The following RIMS2 variants were observed in gnomAD, a reference collection of about 807,000 sequenced individuals.
The protein encoded by RIMS2 is regulating synaptic membrane exocytosis 2, also known as regulating synaptic membrane exocytosis protein 2.
RIMS2 carries 59 observed loss-of-function variants against 174.4 expected under a neutral mutation model. That is an observed-to-expected ratio of 0.34 (90% confidence interval 0.27 to 0.42). RIMS2 has a LOEUF of 0.42. Among genes scored for constraint, RIMS2 ranks in the 10% least tolerant of loss-of-function variants. The pLI is 1.00. For missense variants in RIMS2, 1,620 were observed against 1,666.3 expected, an observed-to-expected ratio of 0.97 and a Z score of 0.48; for synonymous variants, 606 against 572.5, an observed-to-expected ratio of 1.06 and a Z score of -0.84.
Position 104,044,233 on chromosome 8 carries a change from A to G in RIMS2, c.3334+29618A>G, listed in dbSNP as rs573943672. Among the ~76,000 whole-genome samples the G allele has an allele frequency of 1.4e-3, 218 of 151,768 alleles. 1 individual carries two copies. The highest frequency in any genetic ancestry group is 4.7e-3 in the African/African-American group (196 of 41,514). ...GAAAAGATTAGGAGGTCTCTAAGCA[A>G]TGCAGAAAGAATTAGAGAAAGAAGC... On this transcript the variant is annotated intron_variant, in intron 19 of 23. Coordinates refer to ENST00000504942, the Ensembl canonical transcript of RIMS2.
chr8:103,809,736 G>A (rs981611998), intron 3 of RIMS2, among the ~76,000 whole-genome samples: 2 of 152,144 alleles, frequency 1.3e-5, no homozygotes, highest in Admixed American at 6.6e-5. Flanking sequence ...CCATCCTCAA[G>A]TGGCTTTATA....
intron 19 of RIMS2, among the ~76,000 whole-genome samples, chr8:104,067,013 A>G (rs187242876): frequency 6.6e-6 from 1 of 152,322 alleles, no homozygotes; most frequent in Admixed American, 6.5e-5. Flanking sequence ...AAAAAATTAA[A>G]ACATTAAAAA....
At chr8:103,953,481 T>A (rs200210486) in intron 14 of RIMS2, among the ~76,000 whole-genome samples, 5 of 152,048 alleles carry the variant, frequency 3.3e-5, no homozygotes, top group Admixed American at 2.6e-4. Flanking sequence ...TCAAGCCAGA[T>A]TTTCATATCC....
At chr8:103,929,879 C>T (rs1324151393) in intron 11 of RIMS2, among the ~76,000 whole-genome samples, 2 of 151,788 alleles carry the variant, frequency 1.3e-5, no homozygotes, top group African/African-American at 2.4e-5. Context: ...AGTTGTTAAT[C>T]TCTTAATCTA....
intron 2 of RIMS2, among the ~76,000 whole-genome samples, chr8:103,730,400 T>C (rs1315493367): frequency 1.3e-5 from 2 of 152,236 alleles, no homozygotes; most frequent in Non-Finnish European, 2.9e-5. Flanking sequence ...TTTATCATTA[T>C]ATAATTACCT....
At chr8:103,691,213 C>T (rs1351463762) in intron 1 of RIMS2, among the ~76,000 whole-genome samples, 7 of 152,054 alleles carry the variant, frequency 4.6e-5, no homozygotes, top group African/African-American at 7.2e-5. Context: ...TGCTTGTGCT[C>T]GAATATTGAT....
intron 2 of RIMS2, among the ~76,000 whole-genome samples, chr8:103,710,430 C>T (rs1176676): frequency 0.81 from 123,476 of 152,080 alleles, 50,627 homozygotes; most frequent in African/African-American, 0.92. Flanking sequence ...CAAAATTTTA[C>T]GAAATATCGG....
intron 19 of RIMS2, among the ~76,000 whole-genome samples, chr8:104,207,472 C>T (rs1291028459): frequency 6.6e-6 from 1 of 152,064 alleles, no homozygotes; most frequent in Non-Finnish European, 1.5e-5. Flanking sequence ...ACATAATATT[C>T]CCTAGGATGA....
intron 16 of RIMS2, among the ~76,000 whole-genome samples, chr8:103,981,084 A>G (rs1427100538): frequency 6.6e-6 from 1 of 152,162 alleles, no homozygotes; most frequent in Non-Finnish European, 1.5e-5. Context: ...GAGTGAACAT[A>G]GGTGATAGTA....
At chr8:103,931,626 C>A (rs2079968241) in intron 12 of RIMS2, among the ~76,000 whole-genome samples, 1 of 151,866 alleles carries the variant, frequency 6.6e-6, no homozygotes, top group African/African-American at 2.4e-5. Flanking sequence ...TGTATTATTT[C>A]TTGTATATAT....
At chr8:103,938,562 A>G (rs1319459898) in intron 13 of RIMS2, among the ~76,000 whole-genome samples, 4 of 152,080 alleles carry the variant, frequency 2.6e-5, no homozygotes, top group Non-Finnish European at 5.9e-5. Context: ...ATATCATTCC[A>G]TTCTGTCCCC....
At chr8:103,761,092 T>A (rs2098107760) in intron 2 of RIMS2, among the ~76,000 whole-genome samples, 1 of 152,154 alleles carries the variant, frequency 6.6e-6, no homozygotes, top group Admixed American at 6.5e-5. Context: ...TTTAGAAAAA[T>A]CTCTGACTTT....
intron 17 of RIMS2, among the ~76,000 whole-genome samples, chr8:104,001,727 T>A (rs2154552246): frequency 1.3e-5 from 2 of 152,146 alleles, no homozygotes; most frequent in Middle Eastern, 6.8e-3. Context: ...ACTGACCTTT[T>A]TTTGGACATT....
intron 19 of RIMS2, among the ~76,000 whole-genome samples, chr8:104,202,702 T>C (rs1563729332): frequency 6.6e-6 from 1 of 152,234 alleles, no homozygotes. Flanking sequence ...ACACCAGTCA[T>C]ATTGGGCTAG....
chr8:104,080,032 C>T lies in RIMS2; in HGVS notation c.3334+65417C>T, dbSNP rs73297530. On this transcript the variant is annotated intron_variant, in intron 19 of 23. Coordinates refer to ENST00000504942, the Ensembl canonical transcript of RIMS2. The stretch of plus-strand genomic sequence containing the variant: ...TAGATTATTGGGTAATAGTCAAAAG[C>T]ATGTTTTCTAATGGGCATACAATTA... Among the ~76,000 whole-genome samples, 1,031 of 152,076 alleles carry T rather than the reference C, an allele frequency of 6.8e-3. 15 individuals are homozygous for T. Among genetic ancestry groups the T allele is most frequent in the African/African-American group, 0.023 (970 of 41,528 alleles).
At chr8:103,717,251 C>A (rs185545098) in intron 2 of RIMS2, among the ~76,000 whole-genome samples, 1 of 139,800 alleles carries the variant, frequency 7.2e-6, no homozygotes, top group East Asian at 2.2e-4. Flanking sequence ...AATGTGGGTT[C>A]AGAATAAAAT....
At chr8:103,601,228 G>C (rs1257193145) in intron 1 of RIMS2, among the ~76,000 whole-genome samples, 3 of 152,062 alleles carry the variant, frequency 2.0e-5, no homozygotes, top group Non-Finnish European at 2.9e-5. Flanking sequence ...GATCCCATTT[G>C]TCCATTTTTG....
At chr8:104,177,973 T>G (rs1392913585) in intron 19 of RIMS2, among the ~76,000 whole-genome samples, 3 of 152,182 alleles carry the variant, frequency 2.0e-5, no homozygotes, top group Non-Finnish European at 4.4e-5. Flanking sequence ...CTAATGATGG[T>G]GTCTACCATA....
intron 2 of RIMS2, among the ~76,000 whole-genome samples, chr8:103,699,333 C>T (rs573038170): frequency 6.6e-6 from 1 of 152,276 alleles, no homozygotes; most frequent in South Asian, 2.1e-4. Flanking sequence ...CTCAGGTAAT[C>T]TTGTCACTTT....
Sources: gnomAD v4.1 joint callset for allele counts (sites outside exome capture counted in the v4.1 genomes callset) on GRCh38, gnomAD v4.1.1 for gene constraint, MANE v1.5 for transcripts, NCBI Gene and HGNC (gene_info 2026-07-23, HGNC 2026-07-21) for gene names.